NDST4: variants seen among roughly 807,000 people sequenced by gnomAD.
NDST4 encodes N-heparan sulfate sulfotransferase 4.
In NDST4, 63 loss-of-function variants were observed where a neutral mutation model predicts 100.8. That is an observed-to-expected ratio of 0.62 (90% CI 0.51 to 0.77). The LOEUF is 0.77. NDST4 is among the 30% of genes least tolerant of loss of function. NDST4 has a pLI of 0.00. For missense variants in NDST4, 943 were observed against 1,018.4 expected (o/e 0.93, Z 1.01); for synonymous variants, 377 against 361.8 (o/e 1.04, Z -0.48).
At chr4:114,901,912 G>T (rs961482399) in intron 6 of NDST4, among the ~76,000 whole-genome samples, 4 of 151,524 alleles carry the variant, frequency 2.6e-5, no homozygotes, top group African/African-American at 9.7e-5. Flanking sequence ...TTTGCAAATA[G>T]CATTATACTG....
At chr4:114,977,489 T>G (rs1384384636) in intron 2 of NDST4, among the ~76,000 whole-genome samples, 2 of 151,986 alleles carry the variant, frequency 1.3e-5, no homozygotes, top group Non-Finnish European at 2.9e-5. Flanking sequence ...AGTTAAGTCC[T>G]AAGCACATTT....
intron 2 of NDST4, among the ~76,000 whole-genome samples, chr4:115,057,195 G>A (rs1460723065): frequency 6.6e-6 from 1 of 152,126 alleles, no homozygotes; most frequent in African/African-American, 2.4e-5. Context: ...AGGTACAGTG[G>A]TACAGTAGTC....
At chr4:114,833,752 A>C (rs1397697789) in intron 11 of NDST4, 37 bp from the exon 12 acceptor site, 3 of 1,304,396 alleles carry the variant, frequency 2.3e-6, no homozygotes, top group Non-Finnish European at 3.3e-6. Context: ...TGAAGAAAAA[A>C]ATTAAATTGA....
chr4:114,879,686 T>C (rs1724326694), intron 6 of NDST4, among the ~76,000 whole-genome samples: 1 of 152,200 alleles, frequency 6.6e-6, no homozygotes, highest in Non-Finnish European at 1.5e-5. Context: ...AAATATTTAT[T>C]GAATGAACAA....
chr4:115,052,378 G>T lies in NDST4; in HGVS notation c.978+23681C>A, dbSNP rs557445189. On this transcript the variant is annotated intron_variant, in intron 2 of 13. Transcript: ENST00000264363. The stretch of plus-strand genomic sequence containing the variant: ...ATACAAATTTTCATCCTTGTAGTTT[G>T]TCAGGATAAAGTACTCTATTCACCT... 9.8e-4 allele frequency among the ~76,000 whole-genome samples: 149 copies of T among 152,206 alleles called. 1 individual carries two copies. The highest frequency in any genetic ancestry group is 3.5e-3 in the African/African-American group (147 of 41,536).
chr4:115,081,626 A>G (rs1009497102), intron 1 of NDST4, among the ~76,000 whole-genome samples: 1 of 152,312 alleles, frequency 6.6e-6, no homozygotes, highest in East Asian at 1.9e-4. Context: ...TAAAAAAATT[A>G]CTTCAGGATA....
chr4:114,952,964 C>T (rs1464062805), intron 4 of NDST4, among the ~76,000 whole-genome samples: 1 of 151,072 alleles, frequency 6.6e-6, no homozygotes, highest in Admixed American at 6.6e-5. Flanking sequence ...ATTACCTGTG[C>T]TGTGACCAAA....
chr4:114,923,041 GA>G (rs1222110633), intron 6 of NDST4, among the ~76,000 whole-genome samples: 12 of 152,144 alleles, frequency 7.9e-5, no homozygotes, highest in Non-Finnish European at 1.8e-4. Context: ...GATATTAATA[GA>G]AAAGTACTGT....
chr4:115,042,577 C>A (rs989522146), intron 2 of NDST4, among the ~76,000 whole-genome samples: 1 of 151,790 alleles, frequency 6.6e-6, no homozygotes, highest in African/African-American at 2.4e-5. Context: ...AAAACCTTAC[C>A]GTGTCTAACT....
intron 6 of NDST4, among the ~76,000 whole-genome samples, chr4:114,888,250 T>A (rs1199543372): frequency 6.6e-6 from 1 of 150,986 alleles, no homozygotes; most frequent in Non-Finnish European, 1.5e-5. Context: ...ATATATATAT[T>A]TATTGATACC....
At chr4:114,856,592 T>C (rs181705283) in intron 7 of NDST4, among the ~76,000 whole-genome samples, 1 of 152,328 alleles carries the variant, frequency 6.6e-6, no homozygotes, top group Non-Finnish European at 1.5e-5. Context: ...TGACAGAATA[T>C]AATTTTATCC....
intron 12 of NDST4, among the ~76,000 whole-genome samples, chr4:114,830,316 G>T (rs1338287419): frequency 6.6e-6 from 1 of 152,062 alleles, no homozygotes; most frequent in Non-Finnish European, 1.5e-5. Flanking sequence ...TATATTAAAG[G>T]GGTTGAATGT....
chr4:115,061,802 A>G (rs1454888116), intron 2 of NDST4, among the ~76,000 whole-genome samples: 1 of 152,098 alleles, frequency 6.6e-6, no homozygotes, highest in Non-Finnish European at 1.5e-5. Flanking sequence ...TAAAAAAAGT[A>G]GACAGTGTTC....
intron 2 of NDST4, among the ~76,000 whole-genome samples, chr4:114,992,340 T>A (rs1043567512): frequency 2.0e-5 from 3 of 151,824 alleles, no homozygotes; most frequent in Admixed American, 1.3e-4. Flanking sequence ...GAGTTCTATG[T>A]CCCCTGTCTT....
At position 114,985,879 on chromosome 4, in the gene NDST4, T is replaced by C. The variant is rs376019701; in HGVS notation, c.979-8605A>G. On this transcript the variant is annotated intron_variant, in intron 2 of 13. Transcript: ENST00000264363. ...GGCATGGAAAATAACAGACCAGTTA[T>C]GCCTAAAATGGGACCTGGGGAGTCT... 2.6e-5 allele frequency among the ~76,000 whole-genome samples: 4 copies of C among 152,250 alleles called. No individual in the cohort carries two copies. In the East Asian group the frequency reaches 5.8e-4, roughly 22 times the overall value.
chr4:114,909,247 C>T (rs1002756341), intron 6 of NDST4, among the ~76,000 whole-genome samples: 2 of 151,966 alleles, frequency 1.3e-5, no homozygotes, highest in Admixed American at 6.6e-5. Flanking sequence ...ATGACGATGA[C>T]GATGATGATA....
At chr4:115,026,167 A>G (rs1322230438) in intron 2 of NDST4, among the ~76,000 whole-genome samples, 2 of 152,036 alleles carry the variant, frequency 1.3e-5, no homozygotes, top group Admixed American at 6.6e-5. Context: ...TTAATTTTCT[A>G]TAGTATAAGA....
chr4:115,057,702 GCACACACACACACACA>G (rs59805768), intron 2 of NDST4, among the ~76,000 whole-genome samples: 2 of 147,252 alleles, frequency 1.4e-5, no homozygotes, highest in African/African-American at 5.0e-5. Context: ...GCGTGCGCAC[GCACACACACACACACA>G]CACACACACA....
intron 6 of NDST4, among the ~76,000 whole-genome samples, chr4:114,909,547 C>G (rs923177039): frequency 7.3e-5 from 11 of 150,768 alleles, no homozygotes; most frequent in South Asian, 2.1e-4. Flanking sequence ...GTAGTCCCAG[C>G]TACTCGGGAG....
Sources: allele counts gnomAD v4.1 joint callset (sites outside exome capture counted in the v4.1 genomes callset), GRCh38; gene constraint gnomAD v4.1.1; transcripts MANE v1.5; gene names NCBI Gene and HGNC (gene_info 2026-07-23, HGNC 2026-07-21).